Variants in ZSCAN30 observed in about 807,000 individuals in gnomAD.
The protein encoded by ZSCAN30 is zinc finger and SCAN domain containing 30.
In ZSCAN30, 37 loss-of-function variants were observed where a neutral mutation model predicts 44.3. The ratio of observed to expected loss-of-function variants is 0.84; its 90% confidence interval spans 0.64 to 1.10. The LOEUF (loss-of-function observed/expected upper bound fraction) is 1.10, where lower values mean the gene tolerates loss of function less well. Among genes scored for constraint, ZSCAN30 ranks in the 50% least tolerant of loss-of-function variants. The probability of loss-of-function intolerance (pLI) is 0.00; values close to 1 mark genes in which losing one functional copy is unlikely to be tolerated. For missense variants in ZSCAN30, 549 were observed against 582.6 expected (o/e 0.94, Z 0.59); for synonymous variants, 181 against 204.6 (o/e 0.88, Z 0.98).
chr18:35,255,540 A>G (rs1598607517), intron 3 of ZSCAN30, among the ~76,000 whole-genome samples: 1 of 152,134 alleles, frequency 6.6e-6, no homozygotes, highest in African/African-American at 2.4e-5. Context: ...TCTGCCTTCC[A>G]TATTGGAAGG....
intron 1 of ZSCAN30, among the ~76,000 whole-genome samples, chr18:35,271,290 T>C (rs1175317399): frequency 6.6e-6 from 1 of 152,170 alleles, no homozygotes; most frequent in Non-Finnish European, 1.5e-5. Context: ...TGCTGATTGG[T>C]CAATTTTGAC....
chr18:35,273,694 C>G (rs1357649762), intron 1 of ZSCAN30, among the ~76,000 whole-genome samples: 1 of 152,184 alleles, frequency 6.6e-6, no homozygotes, highest in East Asian at 1.9e-4. Flanking sequence ...TCTGAGTGCT[C>G]TATTTCATTG....
At chr18:35,277,854 T>G (rs2044393667) in intron 1 of ZSCAN30, among the ~76,000 whole-genome samples, 1 of 152,156 alleles carries the variant, frequency 6.6e-6, no homozygotes, top group Non-Finnish European at 1.5e-5. Context: ...TGACTGTACT[T>G]CCTTCCTTCT....
intron 1 of ZSCAN30, among the ~76,000 whole-genome samples, chr18:35,279,353 T>G (rs2044416533): frequency 6.6e-6 from 1 of 152,326 alleles, no homozygotes; most frequent in African/African-American, 2.4e-5. Flanking sequence ...TTTGGATGCA[T>G]TACTCCAATC....
chr18:35,276,390 G>T (rs2044367386), intron 1 of ZSCAN30, among the ~76,000 whole-genome samples: 1 of 151,860 alleles, frequency 6.6e-6, no homozygotes, highest in South Asian at 2.1e-4. Flanking sequence ...TGCAGGGCAT[G>T]TCAGAGACCT....
Position 35,253,080 on chromosome 18 carries a change from C to T in ZSCAN30, c.*370G>A, listed in dbSNP as rs1227030311. 1 of 175,562 alleles carries T rather than the reference C, an allele frequency of 5.7e-6. No individual in the cohort carries two copies. Among genetic ancestry groups the T allele is most frequent in the Non-Finnish European group, 1.2e-5 (1 of 83,356 alleles). The allele number at this position is 175,562 out of a possible 1,614,324, so 10.9% of individuals were successfully genotyped here. On this transcript the variant is annotated 3_prime_UTR_variant, in exon 4 of 4. Coordinates refer to ENST00000333206, the MANE Select transcript of ZSCAN30 (RefSeq NM_001112734.4). Reference sequence around the variant, plus strand: ...AAATGCTCTTGCCAGGCACATTTGCCATCTTATAAGAAGCTCTTTCAGGAT... The same window carrying T: ...AAATGCTCTTGCCAGGCACATTTGCTATCTTATAAGAAGCTCTTTCAGGAT...
chr18:35,263,912 T>G, intron 2 of ZSCAN30, 33 bp downstream of exon 2: 1 of 1,597,488 alleles, frequency 6.3e-7, no homozygotes, highest in Non-Finnish European at 8.5e-7. Flanking sequence ...TAACTTACAA[T>G]AGATCAAACA....
chr18:35,285,682 C>T (rs1320214007), intron 1 of ZSCAN30, among the ~76,000 whole-genome samples: 1 of 152,012 alleles, frequency 6.6e-6, no homozygotes, highest in African/African-American at 2.4e-5. Context: ...GACAACACAT[C>T]AGAATTTGTG....
At chr18:35,287,812 A>C (rs1269840582) in intron 1 of ZSCAN30, among the ~76,000 whole-genome samples, 4 of 152,138 alleles carry the variant, frequency 2.6e-5, no homozygotes, top group Admixed American at 6.5e-5. Flanking sequence ...CTATTCAAAA[A>C]ATATTAACAG....
intron 1 of ZSCAN30, among the ~76,000 whole-genome samples, chr18:35,277,901 T>C (rs1569081843): frequency 6.6e-6 from 1 of 152,184 alleles, no homozygotes; most frequent in Non-Finnish European, 1.5e-5. Flanking sequence ...TTTGCTCTCA[T>C]TTTTAGTTTC....
At chr18:35,271,905 C>G (rs1598640451) in intron 1 of ZSCAN30, among the ~76,000 whole-genome samples, 1 of 152,264 alleles carries the variant, frequency 6.6e-6, no homozygotes, top group South Asian at 2.1e-4. Flanking sequence ...AAGCCCCTTA[C>G]TGCCTGGGGC....
Position 35,253,967 on chromosome 18 carries a change from T to A in ZSCAN30, c.968A>T (p.His323Leu). 6.2e-7 allele frequency: 1 copy of A among 1,614,222 alleles called. No homozygotes were observed. Among genetic ancestry groups the A allele is most frequent in the Non-Finnish European group, 8.5e-7 (1 of 1,180,030 alleles). ...ACATGCATAAGGTCTCTCTCCAGTA[T>A]GAATTCTCTGATGTCTAATCAGCTT... ...SSKLIRHQRI[H>L]TGERPYACKE... is the part of the protein sequence containing the mutation. Residue 323 changes from histidine (H) to leucine (L), a missense_variant, in exon 4 of 4, where the codon CAT becomes CTT. Physicochemically the swap from His to Leu is moderately conservative, Grantham distance 99. Transcript: ENST00000333206.
chr18:35,287,574 CAAAAAA>C lies in ZSCAN30; in HGVS notation c.-104+2504_-104+2509del, dbSNP rs59300208. 4.6e-4 allele frequency among the ~76,000 whole-genome samples: 44 copies of C among 94,676 alleles called. No individual in the cohort carries two copies. The South Asian group carries it at 0.01, about 22-fold the overall frequency. The allele number at this position is 94,676 out of a possible 152,430, so 62.1% of individuals were successfully genotyped here. A position where few individuals can be genotyped will look rare whatever the true frequency, so the allele number is the denominator to read the frequency against. On this transcript the variant is annotated intron_variant, in intron 1 of 3. Coordinates refer to ENST00000333206, the MANE Select transcript of ZSCAN30 (RefSeq NM_001112734.4). ...ACAGAACAACTGAATATCCACATAC[CAAAAAA>C]AAAAAAAAAAAAAAATTAACTTTAC...
In ZSCAN30 at chr18:35,253,885, A is replaced by C; in HGVS notation, c.1050T>G (p.Ile350Met). Residue 350 changes from isoleucine to methionine, a missense_variant, in exon 4 of 4, where the codon ATT (isoleucine) becomes ATG (methionine). By Grantham distance (10) the Ile-to-Met change is conservative (BLOSUM62 1). Coordinates refer to ENST00000333206, the MANE Select transcript of ZSCAN30 (RefSeq NM_001112734.4). Reference protein sequence around the residue: ...LSSDLVRHQRIHSGEKPYECC... With the variant: ...LSSDLVRHQRMHSGEKPYECC... ...ATTCATAGGGTTTTTCACCACTATG[A>C]ATTCTCTGATGTCTAACAAGGTCTG... 1 of 1,614,122 alleles carries C rather than the reference A, an allele frequency of 6.2e-7. No homozygotes were observed. The highest frequency in any genetic ancestry group is 8.5e-7 in the Non-Finnish European group (1 of 1,180,024).
chr18:35,270,807 T>C (rs939183917), intron 1 of ZSCAN30, among the ~76,000 whole-genome samples: 3 of 152,148 alleles, frequency 2.0e-5, no homozygotes, highest in Non-Finnish European at 4.4e-5. Context: ...TCGCAGTGAG[T>C]GTTAACAGTT....
chr18:35,287,985 A>G (rs1272399913), intron 1 of ZSCAN30, among the ~76,000 whole-genome samples: 1 of 147,750 alleles, frequency 6.8e-6, no homozygotes, highest in Non-Finnish European at 1.5e-5. Context: ...CAATCCTCCC[A>G]CCTCAGCCTC....
chr18:35,276,025 A>G (rs1227145290), intron 1 of ZSCAN30, among the ~76,000 whole-genome samples: 3 of 152,242 alleles, frequency 2.0e-5, no homozygotes, highest in African/African-American at 7.2e-5. Context: ...TGGTCGTAGT[A>G]GAAAATCCTT....
intron 1 of ZSCAN30, among the ~76,000 whole-genome samples, chr18:35,265,004 G>A (rs140374672): frequency 6.6e-6 from 1 of 152,136 alleles, no homozygotes; most frequent in African/African-American, 2.4e-5. Context: ...AAATTAGCCG[G>A]GCGTGGTGGC....
chr18:35,258,096 C>T (rs2043902352), intron 3 of ZSCAN30: 2 of 719,368 alleles, frequency 2.8e-6, no homozygotes, highest in African/African-American at 3.5e-5. Flanking sequence ...CACAGTGGGC[C>T]TCTCCAACAA....
Sources: gnomAD v4.1 joint callset for allele counts (sites outside exome capture counted in the v4.1 genomes callset) on GRCh38, gnomAD v4.1.1 for gene constraint, MANE v1.5 for transcripts, NCBI Gene and HGNC (gene_info 2026-07-23, HGNC 2026-07-21) for gene names.